MYRIP: variants seen among roughly 807,000 people sequenced by gnomAD.
MYRIP encodes rab effector MyRIP.
A neutral mutation model predicts 98.0 loss-of-function variants in MYRIP; 49 were observed. The observed-to-expected ratio is 0.50, with a 90% CI of 0.40 to 0.63. MYRIP has a LOEUF of 0.63. Among genes scored for constraint, MYRIP ranks in the 30% least tolerant of loss-of-function variants. MYRIP has a pLI of 0.00. For missense variants in MYRIP, 1,004 were observed against 1,058.2 expected, an observed-to-expected ratio of 0.95 and a Z score of 0.71; for synonymous variants, 404 against 409.5, an observed-to-expected ratio of 0.99 and a Z score of 0.16.
At chr3:40,067,356 A>G (rs182273859) in intron 3 of MYRIP, among the ~76,000 whole-genome samples, 12 of 152,304 alleles carry the variant, frequency 7.9e-5, no homozygotes, top group Admixed American at 2.0e-4. Context: ...AGTGGTTTTC[A>G]GGGGCTCAAT....
At chr3:39,910,537 C>T (rs1358233401) in intron 2 of MYRIP, among the ~76,000 whole-genome samples, 1 of 152,148 alleles carries the variant, frequency 6.6e-6, no homozygotes, top group Non-Finnish European at 1.5e-5. Flanking sequence ...GCATTAAGCA[C>T]TTTGAGTATG....
At chr3:39,988,887 C>T (rs1223778667) in intron 2 of MYRIP, among the ~76,000 whole-genome samples, 1 of 151,774 alleles carries the variant, frequency 6.6e-6, no homozygotes, top group Non-Finnish European at 1.5e-5. Context: ...CCTGTCTAAA[C>T]TGGTTATTCT....
chr3:39,831,274 T>G (rs186747646), intron 1 of MYRIP, among the ~76,000 whole-genome samples: 13 of 152,260 alleles, frequency 8.5e-5, no homozygotes, highest in Non-Finnish European at 1.8e-4. Flanking sequence ...CCAGTGATCT[T>G]CAAGCATATC....
chr3:40,180,569 C>A (rs1471792119), intron 8 of MYRIP, among the ~76,000 whole-genome samples: 1 of 152,222 alleles, frequency 6.6e-6, no homozygotes, highest in African/African-American at 2.4e-5. Context: ...TTGAACTGAA[C>A]CTTATCGACG....
chr3:39,994,520 T>G (rs1575446639), intron 2 of MYRIP, among the ~76,000 whole-genome samples: 1 of 152,028 alleles, frequency 6.6e-6, no homozygotes, highest in Non-Finnish European at 1.5e-5. Context: ...GAGGCTTGAG[T>G]AGGTAAACAA....
intron 3 of MYRIP, among the ~76,000 whole-genome samples, chr3:40,059,878 T>C (rs1308494272): frequency 6.6e-6 from 1 of 152,156 alleles, no homozygotes; most frequent in Non-Finnish European, 1.5e-5. Context: ...ACTAAGAGGA[T>C]ATGAAAAAGT....
At chr3:40,064,413 T>C (rs1033389483) in intron 3 of MYRIP, among the ~76,000 whole-genome samples, 19 of 152,146 alleles carry the variant, frequency 1.2e-4, no homozygotes, top group Non-Finnish European at 2.4e-4. Flanking sequence ...ATACAGATGA[T>C]GCTATATGAG....
chr3:39,849,989 T>C (rs935735712), intron 1 of MYRIP, among the ~76,000 whole-genome samples: 5 of 152,212 alleles, frequency 3.3e-5, no homozygotes, highest in African/African-American at 1.2e-4. Context: ...CACCACGACA[T>C]GCCTGTACTT....
intron 2 of MYRIP, among the ~76,000 whole-genome samples, chr3:39,914,838 G>A (rs939514176): frequency 6.6e-6 from 1 of 151,996 alleles, no homozygotes; most frequent in South Asian, 2.1e-4. Context: ...TCCAGCCATA[G>A]ATCATAAGAT....
chr3:39,877,021 C>G (rs973725916), intron 1 of MYRIP, among the ~76,000 whole-genome samples: 29 of 152,290 alleles, frequency 1.9e-4, no homozygotes, highest in East Asian at 9.6e-4. Context: ...TCCCATATTT[C>G]TTGGAGGCTT....
At chr3:40,085,009 C>T (rs1022127479) in intron 3 of MYRIP, among the ~76,000 whole-genome samples, 7 of 149,672 alleles carry the variant, frequency 4.7e-5, no homozygotes, top group Non-Finnish European at 5.9e-5. Flanking sequence ...TGTTATATAT[C>T]GATAGATAAT....
chr3:40,141,329 C>A (rs79472867), intron 3 of MYRIP, among the ~76,000 whole-genome samples: 1 of 152,020 alleles, frequency 6.6e-6, no homozygotes, highest in Non-Finnish European at 1.5e-5. Context: ...TGCTTCAGTT[C>A]CTTGTATATT....
chr3:39,970,172 C>G (rs1410033549), intron 2 of MYRIP: 1 of 152,140 alleles, frequency 6.6e-6, no homozygotes, highest in East Asian at 1.9e-4. Context: ...TTATCTGAAG[C>G]ACAATTATTG....
chr3:40,190,118 A>G lies in MYRIP; in HGVS notation c.1320A>G (p.Pro440=). The change falls in exon 10 of 17, where the codon CCA becomes CCG. Residue 440 remains proline, a synonymous_variant. Transcript: ENST00000302541. ...SSDQGPIAAS[P]SSALSPNPEA... The stretch of plus-strand genomic sequence containing the variant: ...ACCAAGGCCCCATAGCTGCCTCCCC[A>G]TCCTCTGCACTCTCCCCCAACCCTG... The G allele has an allele frequency of 6.2e-7, 1 of 1,613,878 alleles. No homozygotes were observed. Among genetic ancestry groups the G allele is most frequent in the Non-Finnish European group, 8.5e-7 (1 of 1,179,928 alleles).
intron 8 of MYRIP, among the ~76,000 whole-genome samples, chr3:40,178,074 C>T (rs1490022707): frequency 6.6e-6 from 1 of 152,204 alleles, no homozygotes; most frequent in Non-Finnish European, 1.5e-5. Context: ...CATATGACCA[C>T]TCTTCTTGAT....
At chr3:39,920,966 C>T (rs780233956) in intron 2 of MYRIP, among the ~76,000 whole-genome samples, 13 of 152,136 alleles carry the variant, frequency 8.5e-5, no homozygotes, top group Non-Finnish European at 1.8e-4. Context: ...CTCAAAAGAT[C>T]ACTGGACATA....
chr3:39,939,035 T>C (rs911992543), intron 2 of MYRIP, among the ~76,000 whole-genome samples: 1 of 152,176 alleles, frequency 6.6e-6, no homozygotes, highest in African/African-American at 2.4e-5. Flanking sequence ...GCCAGTCCTC[T>C]GTCCACCAGA....
intron 3 of MYRIP, among the ~76,000 whole-genome samples, chr3:40,107,265 T>C (rs932004413): frequency 6.6e-6 from 1 of 152,190 alleles, no homozygotes; most frequent in Non-Finnish European, 1.5e-5. Flanking sequence ...TAGGGCCAGT[T>C]TCATGAGATT....
At chr3:40,027,249 C>T (rs1440572471) in intron 2 of MYRIP, among the ~76,000 whole-genome samples, 2 of 152,096 alleles carry the variant, frequency 1.3e-5, no homozygotes, top group African/African-American at 4.8e-5. Context: ...AGCCCACTTC[C>T]CTGCACTCTC....
Sources: gnomAD v4.1 joint callset for allele counts (sites outside exome capture counted in the v4.1 genomes callset) on GRCh38, gnomAD v4.1.1 for gene constraint, MANE v1.5 for transcripts, NCBI Gene and HGNC (gene_info 2026-07-23, HGNC 2026-07-21) for gene names.